The following AFG2A variants were observed in gnomAD, a reference collection of about 807,000 sequenced individuals.
The protein encoded by AFG2A is AAA ATPase AFG2A.
At chr4:122,929,122 G>T in the AFG2A span, 1 of 1,613,642 alleles carries the variant, frequency 6.2e-7, no homozygotes, top group Non-Finnish European at 8.5e-7. Flanking sequence ...GTGGGTGTGA[G>T]GCCTGGTGAT....
chr4:123,166,725 C>T, the AFG2A span, among the ~76,000 whole-genome samples: 3 of 152,132 alleles, frequency 2.0e-5, no homozygotes, highest in East Asian at 1.9e-4. Context: ...GATTAATTTT[C>T]GGTTCCTTGA....
the AFG2A span, among the ~76,000 whole-genome samples, chr4:122,974,118 T>C: frequency 6.6e-6 from 1 of 151,992 alleles, no homozygotes; most frequent in African/African-American, 2.4e-5. Context: ...GTATTAGAAA[T>C]AATAGAGATT....
chr4:123,050,858 C>G, the AFG2A span, among the ~76,000 whole-genome samples: 1 of 151,902 alleles, frequency 6.6e-6, no homozygotes, highest in African/African-American at 2.4e-5. Context: ...GATTCTCCTG[C>G]CTCAGCTTTC....
chr4:122,923,413 G>T, the AFG2A span: 1 of 1,454,500 alleles, frequency 6.9e-7, no homozygotes, highest in Non-Finnish European at 9.4e-7. Context: ...GTTGGGCGTG[G>T]CATGGGTCTG....
At chr4:122,958,214 A>G in the AFG2A span, among the ~76,000 whole-genome samples, 43 of 152,228 alleles carry the variant, frequency 2.8e-4, no homozygotes, top group Admixed American at 2.3e-3. Flanking sequence ...GCTGCTTTAA[A>G]TAACTGGTTT....
chr4:122,993,455 T>C, the AFG2A span, among the ~76,000 whole-genome samples: 5,069 of 152,296 alleles, frequency 0.033, 162 homozygotes, highest in South Asian at 0.15. Context: ...TGTAATTGGT[T>C]GATCCTTCTT....
chr4:122,940,815 T>C, the AFG2A span, among the ~76,000 whole-genome samples: 1 of 151,280 alleles, frequency 6.6e-6, no homozygotes, highest in African/African-American at 2.4e-5. Context: ...TTGTATAAGG[T>C]GTAAGGAAGG....
the AFG2A span, among the ~76,000 whole-genome samples, chr4:122,977,198 G>C: frequency 6.6e-6 from 1 of 152,148 alleles, no homozygotes; most frequent in Non-Finnish European, 1.5e-5. Context: ...ACCTCTGCCC[G>C]AGTTATATCC....
At chr4:123,214,002 A>G in the AFG2A span, among the ~76,000 whole-genome samples, 1 of 152,184 alleles carries the variant, frequency 6.6e-6, no homozygotes, top group South Asian at 2.1e-4. Context: ...TTGGGATAAG[A>G]AAGTAATGTA....
At chr4:123,053,676 C>T in the AFG2A span, among the ~76,000 whole-genome samples, 12 of 152,080 alleles carry the variant, frequency 7.9e-5, no homozygotes, top group Non-Finnish European at 1.6e-4. Context: ...CAGGTCCGTA[C>T]ATAGATGGGA....
At chr4:123,111,163 G>A in the AFG2A span, among the ~76,000 whole-genome samples, 2 of 151,830 alleles carry the variant, frequency 1.3e-5, no homozygotes, top group Non-Finnish European at 2.9e-5. Context: ...AAGCCAACCT[G>A]TATTTTTTTT....
the AFG2A span, among the ~76,000 whole-genome samples, chr4:123,268,995 A>G: frequency 6.6e-6 from 1 of 152,218 alleles, no homozygotes; most frequent in Non-Finnish European, 1.5e-5. Context: ...GTGAAAATTG[A>G]ATCAGCCACA....
the AFG2A span, among the ~76,000 whole-genome samples, chr4:123,058,064 T>G: frequency 1.3e-5 from 2 of 152,216 alleles, no homozygotes; most frequent in Non-Finnish European, 2.9e-5. Context: ...TCATCCTTCT[T>G]AATTAGAGCT....
chr4:122,944,377 TC>T, the AFG2A span, among the ~76,000 whole-genome samples: 8 of 152,188 alleles, frequency 5.3e-5, no homozygotes, highest in Non-Finnish European at 1.5e-5. Context: ...TTGCTTCATT[TC>T]ATTCATGTCA....
At chr4:123,048,075 A>G in the AFG2A span, among the ~76,000 whole-genome samples, 2 of 152,190 alleles carry the variant, frequency 1.3e-5, no homozygotes, top group African/African-American at 4.8e-5. Flanking sequence ...ATCCTTCTGC[A>G]TATGGATATT....
the AFG2A span, among the ~76,000 whole-genome samples, chr4:123,071,296 C>T: frequency 1.3e-5 from 2 of 152,118 alleles, no homozygotes; most frequent in Non-Finnish European, 2.9e-5. Context: ...ACCTGACCAA[C>T]ATGGAGAAAC....
the AFG2A span, among the ~76,000 whole-genome samples, chr4:122,983,950 G>A: frequency 7.9e-5 from 12 of 152,046 alleles, no homozygotes; most frequent in Admixed American, 2.0e-4. Flanking sequence ...CTACATCAAC[G>A]GAATATCCCA....
chr4:123,309,930 C>T, the AFG2A span, among the ~76,000 whole-genome samples: 1 of 152,158 alleles, frequency 6.6e-6, no homozygotes, highest in Non-Finnish European at 1.5e-5. Flanking sequence ...CTGGCGTGGA[C>T]CATGAGAAGA....
At chr4:122,948,192 G>A in the AFG2A span, among the ~76,000 whole-genome samples, 2 of 152,002 alleles carry the variant, frequency 1.3e-5, no homozygotes, top group Non-Finnish European at 2.9e-5. Context: ...TATTTACATA[G>A]CATTTACATG....
Sources: allele counts gnomAD v4.1 joint callset (sites outside exome capture counted in the v4.1 genomes callset), GRCh38; gene constraint gnomAD v4.1.1; transcripts MANE v1.5; gene names NCBI Gene and HGNC (gene_info 2026-07-23, HGNC 2026-07-21).